Variants in DCLRE1C observed in about 807,000 individuals in gnomAD.
DCLRE1C encodes the protein protein artemis.
Under a neutral mutation model 61.4 loss-of-function variants are expected in DCLRE1C, and 47 were observed. That is an observed-to-expected ratio of 0.77 (90% CI 0.61 to 0.98). DCLRE1C has a LOEUF of 0.98. Among genes scored for constraint, DCLRE1C ranks in the 50% least tolerant of loss-of-function variants. The pLI is 0.00. For synonymous variants in DCLRE1C, 337 were observed against 287.6 expected (o/e 1.17, Z -1.74); for missense variants, 858 against 816.0 (o/e 1.05, Z -0.63).
intron 10 of DCLRE1C, among the ~76,000 whole-genome samples, chr10:14,927,230 A>G (rs1838163689): frequency 6.6e-6 from 1 of 152,032 alleles, no homozygotes; most frequent in Non-Finnish European, 1.5e-5. Flanking sequence ...GAAAACACAA[A>G]AAGTTAGCTC....
Position 14,899,234 on chromosome 10 carries a change from C to T in DCLRE1C, c.1235G>A (p.Arg412Gln), listed in dbSNP as rs60006238. 66,383 of 701,600 alleles carry T rather than the reference C, an allele frequency of 0.095. 4,107 individuals are homozygous for T. The highest frequency in any genetic ancestry group is 0.21 in the South Asian group (14,233 of 67,440). 43.5% of individuals were successfully genotyped at this position (701,600 alleles called of 1,614,324 possible). A position where few individuals can be genotyped will look rare whatever the true frequency, so the allele number is the denominator to read the frequency against. Residue 412 changes from arginine (R) to glutamine (Q), a missense_variant, in exon 14 of 14, where the codon CGA (arginine) becomes CAA (glutamine). By Grantham distance (43) the Arg-to-Gln change is conservative. Transcript: ENST00000378289. ...AGTCAGGAGGCTGAGGCAGGAAGAT[C>T]GCTTGATCCCAGGAGTTAAAGGATA...
rs1589079125 is a variant in DCLRE1C at position 14,936,580 on chromosome 10, A to G, written c.320T>C (p.Val107Ala). The change falls in exon 5 of 14, where the codon GTT (valine) becomes GCT (alanine). Residue 107 changes from valine to alanine, a missense_variant. Val to Ala is a moderately conservative substitution (Grantham distance 64). This residue lies in a region of DCLRE1C where 843 missense variants were observed against 783.5 expected (regional missense o/e 1.08). Coordinates refer to ENST00000378278, the MANE Select transcript of DCLRE1C (RefSeq NM_001033855.3). ...DEASGEKEEI[V>A]VTLLPAGHCP... is the part of the protein sequence containing the mutation. ...GTGACCAGCTGGTAAGAGAGTCACA[A>G]CAATCTCTTCCTTCTAAAAAGAAAA... The G allele has an allele frequency of 6.2e-7, 1 of 1,612,590 alleles. No homozygotes were observed. Among genetic ancestry groups the G allele is most frequent in the African/African-American group, 1.3e-5 (1 of 74,900 alleles).
At chr10:14,929,536 G>A (rs1464863981) in intron 9 of DCLRE1C, among the ~76,000 whole-genome samples, 1 of 151,866 alleles carries the variant, frequency 6.6e-6, no homozygotes, top group African/African-American at 2.4e-5. Flanking sequence ...CAGCTATTCA[G>A]GAGGCCGAGG....
chr10:14,903,266 C>G (rs1345300008), downstream of DCLRE1C: 1 of 152,056 alleles, frequency 6.6e-6, no homozygotes, highest in East Asian at 1.9e-4. Context: ...ATAATGGGAC[C>G]AGGATGGTTT....
rs1042056588 is a variant in DCLRE1C, at chr10:14,919,627, G to A, written c.1156+111C>T. On this transcript the variant is annotated intron_variant, in intron 13 of 13. Transcript: ENST00000378278. ...AGACCATGTGTCAAGTCTGACCTGT[G>A]GTGGGTCCCAGGTCCACTCTGCCCA... 14 of 820,370 alleles carry A rather than the reference G, an allele frequency of 1.7e-5. No homozygotes were observed. The Admixed American group carries it at 2.4e-4, about 14-fold the overall frequency. 50.8% of individuals were successfully genotyped at this position (820,370 alleles called of 1,614,324 possible).
At chr10:14,944,620 A>T (rs896242109) in intron 3 of DCLRE1C, among the ~76,000 whole-genome samples, 40 of 152,018 alleles carry the variant, frequency 2.6e-4, no homozygotes, top group Middle Eastern at 3.4e-3. Flanking sequence ...AACAACTACC[A>T]AATGTTGACT....
At chr10:14,900,098 G>GTA (rs1255687162), downstream of DCLRE1C, among the ~76,000 whole-genome samples, 2 of 152,156 alleles carry the variant, frequency 1.3e-5, no homozygotes, top group Non-Finnish European at 2.9e-5. Flanking sequence ...TTCTTAAAAT[G>GTA]TAAACATGTT....
chr10:14,920,457 A>G, intron 12 of DCLRE1C: 1 of 997,076 alleles, frequency 1.0e-6, no homozygotes, highest in African/African-American at 1.7e-5. Flanking sequence ...ACAACATACC[A>G]TTTGAACAGG....
In DCLRE1C at chr10:14,954,002, A is replaced by C; in HGVS notation, c.9T>G (p.Ser3=). ...GATACTCGGCCATCTGCCCCTCGAA[A>C]GAACTCATAGCGCCGCCGATCCCAG... MS[S]FEGQMAEYPT... is the part of the protein sequence containing the mutation. The change falls in exon 1 of 14, where the codon TCT becomes TCG. Residue 3 remains serine (S), a synonymous_variant. Coordinates refer to ENST00000378278, the MANE Select transcript of DCLRE1C (RefSeq NM_001033855.3). 6.2e-7 allele frequency: 1 copy of C among 1,614,032 alleles called. No homozygotes were observed. Among genetic ancestry groups the C allele is most frequent in the African/African-American group, 1.3e-5 (1 of 75,062 alleles).
intron 2 of DCLRE1C, among the ~76,000 whole-genome samples, chr10:14,947,977 C>A (rs575515311): frequency 2.0e-5 from 3 of 152,038 alleles, no homozygotes; most frequent in African/African-American, 7.2e-5. Flanking sequence ...AAGAATCACT[C>A]GAAAAGAAGT....
chr10:14,908,164 G>GTTTTTTTTTT lies in DCLRE1C; in HGVS notation c.*243_*244insAAAAAAAAAA, dbSNP rs1564360471. ...CCAGAGTAGCCCACCACCATGCCTG[G>GTTTTTTTTTT]CTTTTTTTTTTTTTTTTTTTTTTGT... On this transcript the variant is annotated 3_prime_UTR_variant, in exon 14 of 14. Coordinates refer to ENST00000378278, the MANE Select transcript of DCLRE1C (RefSeq NM_001033855.3). 3.1e-6 allele frequency: 1 copy of GTTTTTTTTTT among 322,800 alleles called. No individual in the cohort carries two copies. The highest frequency in any genetic ancestry group is 6.4e-5 in the Admixed American group (1 of 15,620). The allele number at this position is 322,800 out of a possible 1,614,324, so 20.0% of individuals were successfully genotyped here.
At chr10:14,915,470 G>C (rs1334632044) in intron 13 of DCLRE1C, among the ~76,000 whole-genome samples, 1 of 151,920 alleles carries the variant, frequency 6.6e-6, no homozygotes, top group African/African-American at 2.4e-5. Flanking sequence ...AATATCAGTA[G>C]ATTCTACAGA....
intron 9 of DCLRE1C, among the ~76,000 whole-genome samples, chr10:14,929,441 A>G (rs920339683): frequency 7.2e-6 from 1 of 139,604 alleles, no homozygotes; most frequent in Non-Finnish European, 1.6e-5. Context: ...AAAAAAAAAG[A>G]TCTCAGCCTG....
At chr10:14,904,029 G>T (rs943382161), downstream of DCLRE1C, 3 of 152,378 alleles carry the variant, frequency 2.0e-5, no homozygotes, top group Admixed American at 2.0e-4. Context: ...GGCCAGGCCT[G>T]TGTGGTGGCT....
chr10:14,946,998 A>T (rs1489476003), intron 2 of DCLRE1C, among the ~76,000 whole-genome samples: 1 of 152,094 alleles, frequency 6.6e-6, no homozygotes, highest in Admixed American at 6.6e-5. Context: ...GATCACTTGA[A>T]GTCAGGAGTT....
chr10:14,927,379 T>C (rs1226183496), intron 10 of DCLRE1C, among the ~76,000 whole-genome samples: 1 of 149,558 alleles, frequency 6.7e-6, no homozygotes, highest in Non-Finnish European at 1.5e-5. Context: ...AGTGAGATTC[T>C]TTCTCCACAC....
rs747177336 is a variant in DCLRE1C, at chr10:14,922,993, T to A, written c.1049A>T (p.Lys350Ile). The A allele has an allele frequency of 6.2e-7, 1 of 1,613,784 alleles. No homozygotes were observed. Among genetic ancestry groups the A allele is most frequent in the East Asian group, 2.2e-5 (1 of 44,882 alleles). ...AGTGACTACTCACATTTCGACAACT[T>A]TATCCATAGTTGTGCCAACTGGAAT... ...NVIPVGTTMD[K>I]VVEILKPLCR... The change falls in exon 12 of 14, where the codon AAA (lysine) becomes ATA (isoleucine). Residue 350 changes from lysine (K) to isoleucine (I), a missense_variant. Physicochemically the swap from Lys to Ile is moderately radical, Grantham distance 102. Transcript: ENST00000378278.
chr10:14,925,017 A>G (rs1837725167), intron 11 of DCLRE1C, among the ~76,000 whole-genome samples: 1 of 152,178 alleles, frequency 6.6e-6, no homozygotes, highest in East Asian at 1.9e-4. Flanking sequence ...AGAATTGCCA[A>G]TAACTCTACA....
At chr10:14,930,044 A>G (rs968184618) in intron 9 of DCLRE1C, among the ~76,000 whole-genome samples, 4 of 152,226 alleles carry the variant, frequency 2.6e-5, no homozygotes, top group Non-Finnish European at 5.9e-5. Flanking sequence ...AAATTTGCCA[A>G]TTCAAGGATT....
Sources: gnomAD v4.1 joint callset for allele counts (sites outside exome capture counted in the v4.1 genomes callset) on GRCh38, gnomAD v4.1.1 for gene constraint, gnomAD v4.1.1 regional missense constraint, MANE v1.5 for transcripts, NCBI Gene and HGNC (gene_info 2026-07-23, HGNC 2026-07-21) for gene names.